SCFD2: variants seen among roughly 807,000 people sequenced by gnomAD.
SCFD2 encodes the protein sec1 family domain-containing protein 2.
A neutral mutation model predicts 58.9 loss-of-function variants in SCFD2; 54 were observed. The ratio of observed to expected loss-of-function variants is 0.92; its 90% CI spans 0.74 to 1.15. The LOEUF (loss-of-function observed/expected upper bound fraction) is 1.15. Among genes scored for constraint, SCFD2 ranks in the 50% most tolerant of loss-of-function variants. The pLI, the probability that SCFD2 is intolerant of heterozygous loss-of-function variation, is 0.00. For missense variants in SCFD2, 805 were observed against 836.6 expected (o/e 0.96, Z 0.47); for synonymous variants, 321 against 335.9 (o/e 0.96, Z 0.49).
chr4:53,312,527 T>C (rs1363130898), intron 3 of SCFD2, among the ~76,000 whole-genome samples: 2 of 152,066 alleles, frequency 1.3e-5, no homozygotes, highest in East Asian at 1.9e-4. Flanking sequence ...TCAATAATGG[T>C]TAGTTATTTC....
chr4:53,241,807 T>G (rs1017510387), intron 4 of SCFD2, among the ~76,000 whole-genome samples: 151 of 152,310 alleles, frequency 9.9e-4, no homozygotes, highest in African/African-American at 3.5e-3. Context: ...GGTACTGAGC[T>G]TACCAGCCCC....
At chr4:52,951,182 CCCTT>C (rs1337129301) in intron 5 of SCFD2, among the ~76,000 whole-genome samples, 1 of 152,150 alleles carries the variant, frequency 6.6e-6, no homozygotes, top group Non-Finnish European at 1.5e-5. Flanking sequence ...TTCTCTCCCT[CCCTT>C]CCTTCCTCCC....
chr4:53,237,200 T>C (rs932036166), intron 4 of SCFD2, among the ~76,000 whole-genome samples: 1 of 149,512 alleles, frequency 6.7e-6, no homozygotes, highest in Admixed American at 6.7e-5. Flanking sequence ...AGAATTTTTC[T>C]TAGTACAGAA....
At chr4:53,173,191 TG>T (rs1727230416) in intron 4 of SCFD2, among the ~76,000 whole-genome samples, 1 of 152,194 alleles carries the variant, frequency 6.6e-6, no homozygotes, top group South Asian at 2.1e-4. Context: ...GATTATATCC[TG>T]ATAAATCCAT....
intron 4 of SCFD2, among the ~76,000 whole-genome samples, chr4:53,209,425 G>A (rs533368958): frequency 1.3e-5 from 2 of 152,278 alleles, no homozygotes; most frequent in Admixed American, 6.5e-5. Flanking sequence ...CAAAGACCAA[G>A]TGGAAGTTCA....
At chr4:53,267,682 G>T (rs1731033339) in intron 4 of SCFD2, among the ~76,000 whole-genome samples, 1 of 152,144 alleles carries the variant, frequency 6.6e-6, no homozygotes, top group Non-Finnish European at 1.5e-5. Flanking sequence ...CTGACTTCGA[G>T]TAATCCTCCT....
intron 4 of SCFD2, among the ~76,000 whole-genome samples, chr4:53,236,783 G>T (rs1227579719): frequency 6.7e-6 from 1 of 149,168 alleles, no homozygotes; most frequent in Non-Finnish European, 1.5e-5. Context: ...AATCTGTCAT[G>T]ATTTCTAACT....
intron 4 of SCFD2, among the ~76,000 whole-genome samples, chr4:53,264,893 A>AT (rs1454286440): frequency 1.3e-5 from 2 of 152,186 alleles, no homozygotes; most frequent in Admixed American, 1.3e-4. Flanking sequence ...ATAAAACTTA[A>AT]AACTAAAGCT....
intron 5 of SCFD2, among the ~76,000 whole-genome samples, chr4:52,984,130 C>T (rs181532857): frequency 6.5e-4 from 99 of 152,358 alleles, no homozygotes; most frequent in Admixed American, 2.0e-3. Context: ...CTACTCATTG[C>T]CCCTGCCAGG....
At chr4:52,983,541 A>T (rs1247164624) in intron 5 of SCFD2, among the ~76,000 whole-genome samples, 1 of 152,242 alleles carries the variant, frequency 6.6e-6, no homozygotes, top group Non-Finnish European at 1.5e-5. Context: ...ATACTTAAAT[A>T]AAAAATAAAT....
Position 52,885,838 on chromosome 4 carries a change from G to A in SCFD2, c.1871C>T (p.Pro624Leu). Reference protein sequence around the residue: ...KVSRPHPSDYPLLILFVVGGV... With the variant: ...KVSRPHPSDYLLLILFVVGGV... Reference sequence around the variant, plus strand: ...ACCTACCACAAAGAGGATCAGGAGGGGGTAGTCACTAGGATGAGGCCGGCT... The same window carrying A: ...ACCTACCACAAAGAGGATCAGGAGGAGGTAGTCACTAGGATGAGGCCGGCT... The change falls in exon 8 of 9, where the codon CCC (proline) becomes CTC (leucine). Residue 624 changes from proline (P) to leucine (L), a missense_variant. Coordinates refer to ENST00000401642, the MANE Select transcript of SCFD2 (RefSeq NM_152540.4). 2 of 1,614,110 alleles carry A rather than the reference G, an allele frequency of 1.2e-6. No homozygotes were observed. The highest frequency in any genetic ancestry group is 1.1e-5 in the South Asian group (1 of 91,080).
chr4:53,030,632 G>A (rs1187395642), intron 5 of SCFD2, among the ~76,000 whole-genome samples: 1 of 152,132 alleles, frequency 6.6e-6, no homozygotes, highest in Non-Finnish European at 1.5e-5. Flanking sequence ...ATGTTAGCCA[G>A]GCTGGTCTCG....
chr4:53,175,268 G>T (rs1447116477), intron 4 of SCFD2, among the ~76,000 whole-genome samples: 1 of 152,140 alleles, frequency 6.6e-6, no homozygotes, highest in South Asian at 2.1e-4. Flanking sequence ...ATATCTTTTA[G>T]CTTGGTTTAA....
At chr4:53,242,263 G>A (rs1729918411) in intron 4 of SCFD2, among the ~76,000 whole-genome samples, 1 of 152,232 alleles carries the variant, frequency 6.6e-6, no homozygotes, top group African/African-American at 2.4e-5. Flanking sequence ...GAGCACCTCA[G>A]TCCCCTAAGT....
At chr4:53,159,317 T>A (rs568385097) in intron 4 of SCFD2, among the ~76,000 whole-genome samples, 1 of 152,212 alleles carries the variant, frequency 6.6e-6, no homozygotes, top group Non-Finnish European at 1.5e-5. Flanking sequence ...GTCGAAGATA[T>A]CAGCTGGTGA....
intron 4 of SCFD2, among the ~76,000 whole-genome samples, chr4:53,215,795 C>T (rs1430973545): frequency 6.6e-6 from 1 of 152,046 alleles, no homozygotes; most frequent in Non-Finnish European, 1.5e-5. Context: ...TCATAAATAG[C>T]TCTTATTATT....
intron 5 of SCFD2, among the ~76,000 whole-genome samples, chr4:52,944,206 G>T (rs929718022): frequency 6.6e-6 from 1 of 152,108 alleles, no homozygotes; most frequent in Non-Finnish European, 1.5e-5. Flanking sequence ...CTAAGACTGA[G>T]AATTCTCTTG....
At chr4:53,007,305 G>GGAGGGAGAGAGAGAGAGAGA (rs1721991087) in intron 5 of SCFD2, among the ~76,000 whole-genome samples, 1 of 66,072 alleles carries the variant, frequency 1.5e-5, no homozygotes, top group Non-Finnish European at 2.7e-5. Context: ...AGAGGGAGAG[G>GGAGGGAGAGAGAGAGAGAGA]GAGAGAGAGA....
chr4:52,955,688 G>A (rs1465859303), intron 5 of SCFD2, among the ~76,000 whole-genome samples: 1 of 152,186 alleles, frequency 6.6e-6, no homozygotes, highest in East Asian at 1.9e-4. Flanking sequence ...AACACAACCT[G>A]ATAGGACATT....
Sources: allele counts gnomAD v4.1 joint callset (sites outside exome capture counted in the v4.1 genomes callset), GRCh38; gene constraint gnomAD v4.1.1; transcripts MANE v1.5; gene names NCBI Gene and HGNC (gene_info 2026-07-23, HGNC 2026-07-21).